The following TUBGCP2 variants were observed in gnomAD, a reference collection of about 807,000 sequenced individuals.
TUBGCP2 encodes tubulin gamma complex component 2, also known as gamma-tubulin complex component 2.
A neutral mutation model predicts 92.2 loss-of-function variants in TUBGCP2; 55 were observed. That is an observed-to-expected ratio of 0.60 (90% CI 0.48 to 0.75). The LOEUF (loss-of-function observed/expected upper bound fraction) is 0.75, where lower values mean the gene tolerates loss of function less well. TUBGCP2 is among the 30% of genes least tolerant of loss of function. The pLI is 0.00. For synonymous variants in TUBGCP2, 533 were observed against 505.2 expected, an observed-to-expected ratio of 1.06 and a Z score of -0.74; for missense variants, 1,093 against 1,188.9, an observed-to-expected ratio of 0.92 and a Z score of 1.19.
At chr10:133,303,576 A>G (rs1479296559) in intron 1 of TUBGCP2, among the ~76,000 whole-genome samples, 1 of 152,146 alleles carries the variant, frequency 6.6e-6, no homozygotes, top group Non-Finnish European at 1.5e-5. Flanking sequence ...GGCCCAAGCC[A>G]TTGACACTGT....
intron 1 of TUBGCP2, among the ~76,000 whole-genome samples, chr10:133,306,617 C>G (rs912130007): frequency 6.6e-6 from 1 of 152,058 alleles, no homozygotes; most frequent in East Asian, 1.9e-4. Flanking sequence ...GAAACCCCAT[C>G]TCTACTAAAA....
At chr10:133,305,670 G>A (rs913512586) in intron 1 of TUBGCP2, among the ~76,000 whole-genome samples, 12 of 151,610 alleles carry the variant, frequency 7.9e-5, no homozygotes, top group African/African-American at 2.7e-4. Context: ...CACGGGACTC[G>A]ACACCGAGAT....
At chr10:133,289,553 G>A (rs1209369328) in intron 9 of TUBGCP2, among the ~76,000 whole-genome samples, 1 of 152,180 alleles carries the variant, frequency 6.6e-6, no homozygotes, top group Non-Finnish European at 1.5e-5. Flanking sequence ...AATAGAGAAG[G>A]CACCTGTGAG....
At position 133,285,525 on chromosome 10, in the gene TUBGCP2, G is replaced by A. The variant is rs762678795; in HGVS notation, c.1826C>T (p.Ala609Val). ...AGAGAAGGCCTCCAGGCCGCTCAGC[G>A]CCAGCTCCGTGGGGTCGGCGTGCGC... is the stretch of plus-strand genomic sequence containing the variant. Reference protein sequence around the residue: ...AMAHADPTELALSGLEAFSFD... With the variant: ...AMAHADPTELVLSGLEAFSFD... Residue 609 changes from alanine to valine, a missense_variant, in exon 12 of 18, where the codon GCG becomes GTG. Ala to Val is a moderately conservative substitution (Grantham distance 64). Around this residue, in one of 3 missense-constraint regions of TUBGCP2, gnomAD observed 598 missense variants for 675.5 expected, o/e 0.89. Coordinates refer to ENST00000252936, the MANE Select transcript of TUBGCP2 (RefSeq NM_006659.4). The surrounding 1 kb of genome is among the most constrained non-coding windows in gnomAD (Gnocchi z 6.8). 1.7e-5 allele frequency: 28 copies of A among 1,604,362 alleles called. No homozygotes were observed. The highest frequency in any genetic ancestry group is 1.2e-4 in the South Asian group (11 of 90,592).
At position 133,288,883 on chromosome 10, in the gene TUBGCP2, G is replaced by C. The variant is rs959013975; in HGVS notation, c.1498C>G (p.Leu500Val). 4 of 1,613,932 alleles carry C rather than the reference G, an allele frequency of 2.5e-6. No individual in the cohort carries two copies. ...TCCTTCTCCTCCATCAGGAAGTCCA[G>C]CAGCACCTTGCTGGCGTAGTTAAAC... ...KAFNYASKVL[L>V]DFLMEEKELV... is the part of the protein sequence containing the mutation. Residue 500 changes from leucine (L) to valine (V), a missense_variant, in exon 10 of 18, where the codon CTG becomes GTG. Coordinates refer to ENST00000252936, the MANE Select transcript of TUBGCP2 (RefSeq NM_006659.4).
At position 133,302,834 on chromosome 10, in the gene TUBGCP2, C is replaced by T. The variant is rs1316700850; in HGVS notation, c.108G>A (p.Arg36=). Residue 36 remains arginine (R), a synonymous_variant, in exon 2 of 18, where the codon AGG becomes AGA. Coordinates refer to ENST00000252936, the MANE Select transcript of TUBGCP2 (RefSeq NM_006659.4). ...AGACAGTGGTAGTGACGTACGGGGT[C>T]CTGTTCTTTTGAAGCAGGTCAATGT... is the stretch of plus-strand genomic sequence containing the variant. ...EVYIDLLQKN[R]TPYVTTTVSA... is the part of the protein sequence containing the mutation. 2 of 1,613,548 alleles carry T rather than the reference C, an allele frequency of 1.2e-6. No homozygotes were observed. Among genetic ancestry groups the T allele is most frequent in the African/African-American group, 1.3e-5 (1 of 75,028 alleles).
intron 1 of TUBGCP2, among the ~76,000 whole-genome samples, chr10:133,308,133 G>A (rs916545918): frequency 2.6e-5 from 4 of 152,164 alleles, no homozygotes; most frequent in African/African-American, 7.2e-5. Flanking sequence ...TCCGCCACTG[G>A]GCCCATTCTC....
chr10:133,285,799 T>C lies in TUBGCP2; in HGVS notation c.1723-171A>G, dbSNP rs536052292. Among the ~76,000 whole-genome samples, 9 of 152,224 alleles carry C rather than the reference T, an allele frequency of 5.9e-5. No homozygotes were observed. Among genetic ancestry groups the C allele is most frequent in the Non-Finnish European group, 1.2e-4 (8 of 68,026 alleles). On this transcript the variant is annotated intron_variant, in intron 11 of 17. Coordinates refer to ENST00000252936, the MANE Select transcript of TUBGCP2 (RefSeq NM_006659.4). This position sits in a 1 kb window ranked among gnomAD's most constrained non-coding sequence, Gnocchi z 6.8. ...CCCAAACATCTACTGATAAATCAAATTCAAAACTGAACCACTTCCCATCAG... is the reference window on the plus strand; with the variant it reads ...CCCAAACATCTACTGATAAATCAAACTCAAAACTGAACCACTTCCCATCAG...
At chr10:133,291,311 T>C (rs1332879474) in intron 8 of TUBGCP2, among the ~76,000 whole-genome samples, 2 of 77,178 alleles carry the variant, frequency 2.6e-5, no homozygotes, top group Non-Finnish European at 5.1e-5. Context: ...GCCCTACCTG[T>C]ACGGGAGAGG....
intron 15 of TUBGCP2, among the ~76,000 whole-genome samples, chr10:133,282,734 C>T (rs1412746015): frequency 2.0e-5 from 3 of 152,220 alleles, no homozygotes; most frequent in Non-Finnish European, 2.9e-5. Flanking sequence ...TCGGCAGCTG[C>T]TTGTGACTAG....
chr10:133,309,649 A>T (rs1333881587), upstream of TUBGCP2: 4 of 1,312,010 alleles, frequency 3.0e-6, no homozygotes, highest in Admixed American at 7.4e-5. Context: ...AATTCATAAA[A>T]AGAGGGTTTG....
Position 133,279,650 on chromosome 10 carries a change from C to T in TUBGCP2, c.*116G>A. On this transcript the variant is annotated 3_prime_UTR_variant, in exon 18 of 18. Transcript: ENST00000252936. ...ACAAAGTGAGCTGAGTCAATCATTC[C>T]TGCTTTATATTTAAACTGCAAAGAC... The T allele has an allele frequency of 1.5e-6, 2 of 1,378,624 alleles. No homozygotes were observed. Among genetic ancestry groups the T allele is most frequent in the Non-Finnish European group, 1.9e-6 (2 of 1,059,306 alleles). The allele number at this position is 1,378,624 out of a possible 1,614,324, so 85.4% of individuals were successfully genotyped here. A position where few individuals can be genotyped will look rare whatever the true frequency, so the allele number is the denominator to read the frequency against.
Position 133,285,727 on chromosome 10 carries a change from T to A in TUBGCP2, c.1723-99A>T. The A allele has an allele frequency of 8.5e-7, 1 of 1,181,758 alleles. No homozygotes were observed. Among genetic ancestry groups the A allele is most frequent in the Non-Finnish European group, 1.1e-6 (1 of 886,264 alleles). The allele number at this position is 1,181,758 out of a possible 1,614,324, so 73.2% of individuals were successfully genotyped here. Reference sequence around the variant, plus strand: ...CTCGCTCACAGACCCAGCGCTGACGTAAGGTTCCCTACATTCCGATTCTAA... The same window carrying A: ...CTCGCTCACAGACCCAGCGCTGACGAAAGGTTCCCTACATTCCGATTCTAA... On this transcript the variant is annotated intron_variant, in intron 11 of 17. Coordinates refer to ENST00000252936, the MANE Select transcript of TUBGCP2 (RefSeq NM_006659.4). The surrounding 1 kb of genome is among the most constrained non-coding windows in gnomAD (Gnocchi z 6.8).
chr10:133,280,725 G>A (rs1377947628), intron 17 of TUBGCP2, among the ~76,000 whole-genome samples: 1 of 152,236 alleles, frequency 6.6e-6, no homozygotes, highest in African/African-American at 2.4e-5. Flanking sequence ...GGTGGACCAG[G>A]GGAGGGTGCA....
intron 7 of TUBGCP2, 114 bp downstream of exon 7, chr10:133,292,925 G>T: frequency 1.6e-6 from 2 of 1,265,020 alleles, no homozygotes; most frequent in Non-Finnish European, 2.2e-6. Context: ...TTGGCCACAC[G>T]CCCCTGCCCT....
intron 4 of TUBGCP2, 29 bp downstream of exon 4, chr10:133,299,398 G>T: frequency 6.5e-7 from 1 of 1,545,084 alleles, no homozygotes. Context: ...CTGCAGCATG[G>T]AGCCTGTGGA....
At chr10:133,310,158 T>C (rs751779063), upstream of TUBGCP2, 9 of 1,613,596 alleles carry the variant, frequency 5.6e-6, no homozygotes, top group Admixed American at 3.3e-5. Flanking sequence ...ACGGTCTCCA[T>C]TTCAGTATCA....
intron 1 of TUBGCP2, among the ~76,000 whole-genome samples, chr10:133,308,274 A>G (rs1847876180): frequency 6.6e-6 from 1 of 152,054 alleles, no homozygotes; most frequent in Non-Finnish European, 1.5e-5. Flanking sequence ...CTTCCCCCAC[A>G]CGCCCTGAGC....
At chr10:133,312,038 G>A (rs1848002500), upstream of TUBGCP2, 11 of 1,510,332 alleles carry the variant, frequency 7.3e-6, no homozygotes, top group Middle Eastern at 8.8e-4. Context: ...CGCATACTCT[G>A]TTTTTGAGCC....
Sources: allele counts gnomAD v4.1 joint callset (sites outside exome capture counted in the v4.1 genomes callset), GRCh38; gene constraint gnomAD v4.1.1; regional missense constraint gnomAD v4.1.1; non-coding constraint Gnocchi (gnomAD v3.1); transcripts MANE v1.5; gene names NCBI Gene and HGNC (gene_info 2026-07-23, HGNC 2026-07-21).